The following DIP2B variants were observed in gnomAD, a reference collection of about 807,000 sequenced individuals.
DIP2B encodes the protein DIP2 acetate--CoA ligase B (putative).
A neutral mutation model predicts 198.0 loss-of-function variants in DIP2B; 76 were observed. The ratio of observed to expected loss-of-function variants is 0.38; its 90% confidence interval spans 0.32 to 0.46. DIP2B has a LOEUF of 0.46. DIP2B is among the 20% of genes least tolerant of loss of function. The pLI is 0.99. For synonymous variants in DIP2B, 701 were observed against 739.1 expected (o/e 0.95, Z 0.84); for missense variants, 1,559 against 1,978.4 (o/e 0.79, Z 4.02).
intron 1 of DIP2B, among the ~76,000 whole-genome samples, chr12:50,528,816 T>A (rs945876246): frequency 6.6e-6 from 1 of 151,872 alleles, no homozygotes; most frequent in African/African-American, 2.4e-5. Context: ...GTCAGGAGAG[T>A]TGGGGGCCAG....
intron 1 of DIP2B, among the ~76,000 whole-genome samples, chr12:50,532,088 G>A (rs748281900): frequency 6.6e-6 from 1 of 152,168 alleles, no homozygotes; most frequent in African/African-American, 2.4e-5. Context: ...AGGATGCCAG[G>A]AATGACTCCT....
intron 13 of DIP2B, among the ~76,000 whole-genome samples, chr12:50,692,443 C>T (rs1301171428): frequency 6.6e-6 from 1 of 152,124 alleles, no homozygotes. Context: ...AAGTTTCTAA[C>T]TCCTTGGCTC....
rs143688199 is a variant in DIP2B at position 50,731,303 on chromosome 12, G to A, written c.3642-66G>A. On this transcript the variant is annotated intron_variant, in intron 30 of 37. Transcript: ENST00000301180. ...CTCAGTAAATATCTGTGGAATTGGT[G>A]GGGTTCTGAAGCATCAGGTATCCAG... The A allele has an allele frequency of 3.6e-4, 555 of 1,555,790 alleles. 2 individuals are homozygous for A. The African/African-American group carries it at 6.0e-3, about 17-fold the overall frequency.
At chr12:50,534,647 A>G (rs561580509) in intron 1 of DIP2B, among the ~76,000 whole-genome samples, 1 of 152,300 alleles carries the variant, frequency 6.6e-6, no homozygotes, top group South Asian at 2.1e-4. Flanking sequence ...TACAGGCGTG[A>G]GCCACCATGC....
chr12:50,743,141 G>T (rs531799263), intron 37 of DIP2B, among the ~76,000 whole-genome samples: 1 of 152,032 alleles, frequency 6.6e-6, no homozygotes, highest in Admixed American at 6.6e-5. Flanking sequence ...GGAGTGCAGC[G>T]GTGCGATCCC....
intron 1 of DIP2B, among the ~76,000 whole-genome samples, chr12:50,544,170 G>C (rs1014824410): frequency 9.9e-5 from 15 of 151,116 alleles, no homozygotes; most frequent in African/African-American, 3.7e-4. Context: ...AGAGATTGCA[G>C]TGAGATCATG....
At chr12:50,521,859 T>G (rs1385273149) in intron 1 of DIP2B, among the ~76,000 whole-genome samples, 1 of 151,888 alleles carries the variant, frequency 6.6e-6, no homozygotes, top group Admixed American at 6.6e-5. Context: ...TTGCCCAGGC[T>G]TCTTGAACTC....
chr12:50,678,857 A>G lies in DIP2B; in HGVS notation c.1095A>G (p.Pro365=), dbSNP rs779141757. 6.2e-7 allele frequency: 1 copy of G among 1,614,222 alleles called. No homozygotes were observed. Among genetic ancestry groups the G allele is most frequent in the Non-Finnish European group, 8.5e-7 (1 of 1,180,034 alleles). Residue 365 remains proline, a synonymous_variant, in exon 8 of 38, where the codon CCA becomes CCG. Transcript: ENST00000301180. ...CTGCACTGGACATGACAGGGAAACC[A>G]GTTTACACTCTTACATATGGTGAGT... ...CLTALDMTGK[P]VYTLTYGKLW...
At chr12:50,598,980 A>G in intron 1 of DIP2B, among the ~76,000 whole-genome samples, 1 of 62,148 alleles carries the variant, frequency 1.6e-5, no homozygotes, top group South Asian at 7.4e-4. Context: ...GTCAACACAT[A>G]TAAACATTAA....
chr12:50,596,828 AT>A (rs1327572755), intron 1 of DIP2B, among the ~76,000 whole-genome samples: 1 of 152,172 alleles, frequency 6.6e-6, no homozygotes, highest in Non-Finnish European at 1.5e-5. Flanking sequence ...GATAAATCTT[AT>A]TTACGTGTTT....
chr12:50,733,295 T>A (rs925133001), intron 32 of DIP2B, among the ~76,000 whole-genome samples: 1 of 151,586 alleles, frequency 6.6e-6, no homozygotes, highest in East Asian at 1.9e-4. Context: ...TTGTATTCTC[T>A]TCTCTACCCA....
Position 50,505,094 on chromosome 12 carries a change from C to T in DIP2B, c.-47C>T, listed in dbSNP as rs774189339. 4 of 1,507,528 alleles carry T rather than the reference C, an allele frequency of 2.7e-6. No homozygotes were observed. Among genetic ancestry groups the T allele is most frequent in the Non-Finnish European group, 3.6e-6 (4 of 1,125,342 alleles). The allele number at this position is 1,507,528 out of a possible 1,614,324, so 93.4% of individuals were successfully genotyped here. ...GTGGGCCCGTGTCTGTCCGTCCCTC[C>T]TTCGGCCCCCTCTCTTGTCTTCCGG... On this transcript the variant is annotated 5_prime_UTR_variant, in exon 1 of 38. Coordinates refer to ENST00000301180, the MANE Select transcript of DIP2B (RefSeq NM_173602.3).
chr12:50,606,859 T>G (rs981499012), intron 1 of DIP2B, among the ~76,000 whole-genome samples: 1 of 151,860 alleles, frequency 6.6e-6, no homozygotes, highest in Non-Finnish European at 1.5e-5. Context: ...TGGGCTAAAG[T>G]TCAGTGGCAC....
intron 1 of DIP2B, among the ~76,000 whole-genome samples, chr12:50,506,944 A>G (rs920204018): frequency 2.0e-5 from 3 of 152,172 alleles, no homozygotes; most frequent in Non-Finnish European, 4.4e-5. Flanking sequence ...TCACACGGAG[A>G]GGGAAATCCT....
intron 1 of DIP2B, among the ~76,000 whole-genome samples, chr12:50,613,386 C>T (rs937510130): frequency 2.0e-5 from 3 of 152,150 alleles, no homozygotes; most frequent in Admixed American, 1.3e-4. Context: ...ACTCTGATTC[C>T]TGTGCAGAAA....
At chr12:50,711,069 G>T (rs546579564) in intron 22 of DIP2B, among the ~76,000 whole-genome samples, 16 of 152,252 alleles carry the variant, frequency 1.1e-4, no homozygotes, top group African/African-American at 2.9e-4. Flanking sequence ...CAAGATATTT[G>T]CTACTTTTCC....
At chr12:50,515,873 C>T (rs1958059153) in intron 1 of DIP2B, among the ~76,000 whole-genome samples, 1 of 152,168 alleles carries the variant, frequency 6.6e-6, no homozygotes, top group Admixed American at 6.6e-5. Context: ...CTCCTCCACC[C>T]CTGCCCCCAC....
chr12:50,738,139 A>C (rs1940171960), intron 35 of DIP2B, among the ~76,000 whole-genome samples: 1 of 152,004 alleles, frequency 6.6e-6, no homozygotes, highest in South Asian at 2.1e-4. Context: ...CAAGAGATCG[A>C]GACCATCCTG....
At chr12:50,721,867 A>G (rs1346915726) in intron 26 of DIP2B, among the ~76,000 whole-genome samples, 1 of 152,216 alleles carries the variant, frequency 6.6e-6, no homozygotes, top group East Asian at 1.9e-4. Context: ...AGGAAAATAA[A>G]AGAATGGAGA....
Sources: gnomAD v4.1 joint callset for allele counts (sites outside exome capture counted in the v4.1 genomes callset) on GRCh38, gnomAD v4.1.1 for gene constraint, MANE v1.5 for transcripts, NCBI Gene and HGNC (gene_info 2026-07-23, HGNC 2026-07-21) for gene names.